UVRAG: variants seen among roughly 807,000 people sequenced by gnomAD.
UVRAG encodes UV radiation resistance-associated gene protein.
Under a neutral mutation model 78.0 loss-of-function variants are expected in UVRAG, and 19 were observed. That is an observed-to-expected ratio of 0.24 (90% confidence interval 0.17 to 0.36). UVRAG has a LOEUF of 0.36. UVRAG is among the 10% of genes least tolerant of loss of function. The pLI, the probability that UVRAG is intolerant of heterozygous loss-of-function variation, is 1.00. For missense variants in UVRAG, 740 were observed against 853.8 expected, an observed-to-expected ratio of 0.87 and a Z score of 1.66; for synonymous variants, 323 against 324.6, an observed-to-expected ratio of 1.00 and a Z score of 0.05.
chr11:76,137,284 A>T (rs1244023611), intron 14 of UVRAG: 1 of 454,828 alleles, frequency 2.2e-6, no homozygotes, highest in Admixed American at 2.4e-5. Flanking sequence ...ACAGCGCCAG[A>T]GGGGACTCGA....
At chr11:76,058,122 T>A (rs1292031876) in intron 12 of UVRAG, among the ~76,000 whole-genome samples, 1 of 152,194 alleles carries the variant, frequency 6.6e-6, no homozygotes, top group Non-Finnish European at 1.5e-5. Flanking sequence ...TAGGTATTCA[T>A]GTTATAATCT....
intron 8 of UVRAG, among the ~76,000 whole-genome samples, chr11:75,999,237 A>AT: frequency 1.4e-4 from 1 of 7,220 alleles, no homozygotes; most frequent in Non-Finnish European, 7.2e-4. Flanking sequence ...TGCCTCAGAG[A>AT]AAAAAAAAAA....
chr11:75,932,359 A>C (rs2135109756), intron 6 of UVRAG, among the ~76,000 whole-genome samples: 1 of 152,136 alleles, frequency 6.6e-6, no homozygotes, highest in Non-Finnish European at 1.5e-5. Context: ...ATCTTGGCTC[A>C]CTGCAACCTC....
intron 3 of UVRAG, among the ~76,000 whole-genome samples, chr11:75,866,969 A>G (rs1175129976): frequency 1.3e-5 from 2 of 152,196 alleles, no homozygotes; most frequent in African/African-American, 4.8e-5. Flanking sequence ...ATTCCAAGAT[A>G]TTTAGCAGTC....
chr11:76,136,948 A>C (rs1342634221), intron 14 of UVRAG, among the ~76,000 whole-genome samples: 1 of 152,134 alleles, frequency 6.6e-6, no homozygotes, highest in Non-Finnish European at 1.5e-5. Flanking sequence ...TTCCTGTAAA[A>C]CTATTGTAAT....
chr11:75,820,192 A>G (rs1416498415), intron 1 of UVRAG, among the ~76,000 whole-genome samples: 1 of 151,932 alleles, frequency 6.6e-6, no homozygotes, highest in African/African-American at 2.4e-5. Flanking sequence ...TGCCCAGGCT[A>G]GTCTCAAACT....
intron 2 of UVRAG, among the ~76,000 whole-genome samples, chr11:75,852,956 G>A (rs1313547212): frequency 6.6e-6 from 1 of 152,044 alleles, no homozygotes; most frequent in Admixed American, 6.6e-5. Context: ...TGTCAGCCAG[G>A]CTAGAGTACA....
At chr11:75,831,120 T>C (rs1945644845) in intron 1 of UVRAG, among the ~76,000 whole-genome samples, 1 of 152,256 alleles carries the variant, frequency 6.6e-6, no homozygotes, top group African/African-American at 2.4e-5. Flanking sequence ...TAGCTGTTGC[T>C]ACTGTCATTG....
chr11:76,088,662 T>G (rs1951638457), intron 13 of UVRAG, among the ~76,000 whole-genome samples: 1 of 152,174 alleles, frequency 6.6e-6, no homozygotes, highest in Non-Finnish European at 1.5e-5. Context: ...AAGGCCCATC[T>G]TCTGCTTTTG....
At chr11:75,922,994 A>G (rs1471244427) in intron 6 of UVRAG, among the ~76,000 whole-genome samples, 3 of 143,344 alleles carry the variant, frequency 2.1e-5, no homozygotes, top group Admixed American at 1.4e-4. Flanking sequence ...ATATATACAT[A>G]TATTTTTTCA....
chr11:75,830,292 G>C (rs1263390087), intron 1 of UVRAG, among the ~76,000 whole-genome samples: 2 of 147,644 alleles, frequency 1.4e-5, no homozygotes, highest in African/African-American at 5.1e-5. Flanking sequence ...TTTTTTTTTT[G>C]AGACAGTCTC....
At chr11:75,888,767 T>C (rs1363193110) in intron 4 of UVRAG, 62 bp from the exon 5 acceptor site, 6 of 1,389,628 alleles carry the variant, frequency 4.3e-6, no homozygotes, top group African/African-American at 1.4e-5. Flanking sequence ...TGTCATTCTC[T>C]GGTTGTATTA....
chr11:75,931,451 ATACC>A (rs1175776661), intron 6 of UVRAG, among the ~76,000 whole-genome samples: 44 of 152,204 alleles, frequency 2.9e-4, no homozygotes, highest in Non-Finnish European at 4.6e-4. Context: ...GGAGAAAGTG[ATACC>A]ATCTTTCCTT....
intron 6 of UVRAG, among the ~76,000 whole-genome samples, chr11:75,949,782 T>C (rs975025493): frequency 2.3e-4 from 34 of 150,314 alleles, no homozygotes; most frequent in East Asian, 1.9e-3. Flanking sequence ...CACATATATA[T>C]ACACACACAC....
chr11:75,985,349 A>C (rs551534046), intron 8 of UVRAG, among the ~76,000 whole-genome samples: 1 of 151,512 alleles, frequency 6.6e-6, no homozygotes, highest in East Asian at 1.9e-4. Context: ...ACTGAGATAC[A>C]CTCTTTTGTG....
At chr11:76,038,125 A>C (rs948892301) in intron 12 of UVRAG, among the ~76,000 whole-genome samples, 2 of 152,236 alleles carry the variant, frequency 1.3e-5, no homozygotes, top group Non-Finnish European at 2.9e-5. Context: ...AAAACAAAAC[A>C]AAACCTTAAA....
chr11:76,057,441 G>T (rs1951004871), intron 12 of UVRAG, among the ~76,000 whole-genome samples: 1 of 152,160 alleles, frequency 6.6e-6, no homozygotes, highest in African/African-American at 2.4e-5. Flanking sequence ...TTAAAAAATA[G>T]ATTTGAATAC....
At chr11:75,979,782 C>A (rs945904898) in intron 7 of UVRAG, 30 of 152,426 alleles carry the variant, frequency 2.0e-4, no homozygotes, top group African/African-American at 7.0e-4. Context: ...TTCCAGGTGC[C>A]GTCTGTCGTG....
chr11:75,955,728 C>G (rs1948783156), intron 6 of UVRAG, among the ~76,000 whole-genome samples: 1 of 152,100 alleles, frequency 6.6e-6, no homozygotes, highest in South Asian at 2.1e-4. Flanking sequence ...GAGACTCTGT[C>G]TCTACAAAAA....
Sources: gnomAD v4.1 joint callset for allele counts (sites outside exome capture counted in the v4.1 genomes callset) on GRCh38, gnomAD v4.1.1 for gene constraint, MANE v1.5 for transcripts, NCBI Gene and HGNC (gene_info 2026-07-23, HGNC 2026-07-21) for gene names.